Variants in GLIS1 observed in about 807,000 individuals in gnomAD.
GLIS1 encodes GLIS family zinc finger 1.
Under a neutral mutation model 63.8 loss-of-function variants are expected in GLIS1, and 24 were observed. That is an observed-to-expected ratio of 0.38 (90% CI 0.27 to 0.53). The LOEUF (loss-of-function observed/expected upper bound fraction) is 0.53, where lower values mean the gene tolerates loss of function less well. Ranked by LOEUF, GLIS1 falls within the 20% of genes least tolerant of loss-of-function variation. The pLI is 0.85. For synonymous variants in GLIS1, 450 were observed against 482.5 expected (o/e 0.93, Z 0.88); for missense variants, 1,036 against 1,074.1 (o/e 0.96, Z 0.50).
intron 2 of GLIS1, among the ~76,000 whole-genome samples, chr1:53,690,013 C>A (rs1446297088): frequency 6.6e-6 from 1 of 152,216 alleles, no homozygotes; most frequent in East Asian, 1.9e-4. Flanking sequence ...CTCTCTCACA[C>A]CTTGCACTGG....
At position 53,573,036 on chromosome 1, in the gene GLIS1, A is replaced by C. The variant is rs79461524; in HGVS notation, c.1320+21072T>G. Among the ~76,000 whole-genome samples, 1,164 of 152,248 alleles carry C rather than the reference A, an allele frequency of 7.6e-3. 22 individuals carry two copies. The highest frequency in any genetic ancestry group is 0.027 in the African/African-American group (1,130 of 41,554). On this transcript the variant is annotated intron_variant, in intron 4 of 10. Coordinates refer to ENST00000628545, the MANE Select transcript of GLIS1 (RefSeq NM_001367484.1). Reference sequence around the variant, plus strand: ...CTGTGTTTTGTATTTTTCTTTGGAGAACCAGTCTTACAGGTTACCACCAGC... The same window carrying C: ...CTGTGTTTTGTATTTTTCTTTGGAGCACCAGTCTTACAGGTTACCACCAGC...
chr1:53,618,908 C>T (rs1396314465), intron 2 of GLIS1, among the ~76,000 whole-genome samples: 6 of 152,372 alleles, frequency 3.9e-5, no homozygotes, highest in South Asian at 2.1e-4. Flanking sequence ...CCTACCCTGG[C>T]TCTTAACTCA....
Position 53,524,789 on chromosome 1 carries a change from C to A in GLIS1, c.1581G>T (p.Gln527His). ...HVKAHSAKEQ[Q>H]VRKKLHAGPD... is the part of the protein sequence containing the mutation. ...AGGGCTGGCTTACCTTCTTACGCACCTGCTGCTCTTTGGCTGAATGGGCCT... is the reference window on the plus strand; with the variant it reads ...AGGGCTGGCTTACCTTCTTACGCACATGCTGCTCTTTGGCTGAATGGGCCT... The change falls in exon 6 of 11, where the codon CAG becomes CAT. Residue 527 changes from glutamine to histidine, a missense_variant. Transcript: ENST00000628545. The A allele has an allele frequency of 6.2e-7, 1 of 1,613,186 alleles. No individual in the cohort carries two copies. The highest frequency in any genetic ancestry group is 8.5e-7 in the Non-Finnish European group (1 of 1,179,652).
intron 4 of GLIS1, among the ~76,000 whole-genome samples, chr1:53,542,917 A>G (rs564345105): frequency 1.3e-5 from 2 of 152,336 alleles, no homozygotes; most frequent in South Asian, 4.1e-4. Flanking sequence ...GGCAGCCTTT[A>G]GATGGACAGG....
At chr1:53,516,762 G>A (rs1479899356) in intron 7 of GLIS1, among the ~76,000 whole-genome samples, 1 of 151,464 alleles carries the variant, frequency 6.6e-6, no homozygotes. Flanking sequence ...GCAGTGAGCC[G>A]AGATGGTGCC....
chr1:53,738,582 A>C (rs899575359), intron 1 of GLIS1, among the ~76,000 whole-genome samples: 1 of 152,164 alleles, frequency 6.6e-6, no homozygotes, highest in African/African-American at 2.4e-5. Context: ...AGCTGCGCGC[A>C]GAAGCTGGGG....
At position 53,660,072 on chromosome 1, in the gene GLIS1, T is replaced by C. The variant is rs545428457; in HGVS notation, c.260-59794A>G. Among the ~76,000 whole-genome samples the C allele has an allele frequency of 1.1e-4, 17 of 152,346 alleles. No individual in the cohort carries two copies. The South Asian group carries it at 2.9e-3, about 26-fold the overall frequency. ...AGGTCCCGGCCAGCTCAACAGTTCTTTGAGTCTACTCTGGGCTTTCCCAGA... is the reference window on the plus strand; with the variant it reads ...AGGTCCCGGCCAGCTCAACAGTTCTCTGAGTCTACTCTGGGCTTTCCCAGA... On this transcript the variant is annotated intron_variant, in intron 2 of 10. Transcript: ENST00000628545.
chr1:53,562,861 T>C (rs763800560), intron 4 of GLIS1, among the ~76,000 whole-genome samples: 7 of 152,202 alleles, frequency 4.6e-5, no homozygotes, highest in Non-Finnish European at 1.0e-4. Context: ...TAGTTATTCT[T>C]CAAATAACAC....
rs568524858 is a variant in GLIS1 at position 53,599,667 on chromosome 1, A to G, written c.437+434T>C. ...ATGAGACAGGGTGGCCGGCACTGGA[A>G]GTGTGCAAGCACTGAGTGGACAGCT... On this transcript the variant is annotated intron_variant, in intron 3 of 10. Transcript: ENST00000628545. 2.0e-5 allele frequency among the ~76,000 whole-genome samples: 3 copies of G among 152,356 alleles called. No individual in the cohort carries two copies. The East Asian group carries it at 5.8e-4, about 29-fold the overall frequency.
At chr1:53,669,489 G>GCTGGTAAGT (rs1461231943) in intron 2 of GLIS1, among the ~76,000 whole-genome samples, 1 of 152,196 alleles carries the variant, frequency 6.6e-6, no homozygotes, top group Non-Finnish European at 1.5e-5. Flanking sequence ...ACCAGGTAAG[G>GCTGGTAAGT]CTAGTGAAGA....
At chr1:53,711,977 G>A (rs1248643676) in intron 2 of GLIS1, among the ~76,000 whole-genome samples, 2 of 152,218 alleles carry the variant, frequency 1.3e-5, no homozygotes, top group African/African-American at 4.8e-5. Flanking sequence ...GTTCTGAGAA[G>A]GAGCAGGCAA....
chr1:53,657,707 G>C (rs928241914), intron 2 of GLIS1, among the ~76,000 whole-genome samples: 8 of 152,154 alleles, frequency 5.3e-5, no homozygotes, highest in African/African-American at 1.9e-4. Context: ...TCCAACCAGA[G>C]AGCCATCAGC....
chr1:53,530,281 C>A (rs1228047380), intron 4 of GLIS1, among the ~76,000 whole-genome samples: 3 of 152,260 alleles, frequency 2.0e-5, no homozygotes, highest in African/African-American at 7.2e-5. Context: ...ACAGCACAGC[C>A]CCGAATCAGG....
intron 2 of GLIS1, among the ~76,000 whole-genome samples, chr1:53,638,235 C>T (rs543976295): frequency 1.3e-5 from 2 of 152,308 alleles, no homozygotes; most frequent in South Asian, 2.1e-4. Context: ...AGGGAGGGTT[C>T]CTTGTTTCTC....
chr1:53,611,425 C>A (rs933761381), intron 2 of GLIS1, among the ~76,000 whole-genome samples: 4 of 152,190 alleles, frequency 2.6e-5, no homozygotes, highest in Admixed American at 6.5e-5. Context: ...TCTGATAACA[C>A]CAACATCTGG....
At chr1:53,634,569 G>C (rs1478726787) in intron 2 of GLIS1, among the ~76,000 whole-genome samples, 8 of 152,266 alleles carry the variant, frequency 5.3e-5, no homozygotes, top group African/African-American at 1.7e-4. Flanking sequence ...GGAGCGAGGA[G>C]GGCCTCACTA....
intron 2 of GLIS1, among the ~76,000 whole-genome samples, chr1:53,636,363 T>C (rs1437987509): frequency 6.6e-6 from 1 of 151,998 alleles, no homozygotes; most frequent in Non-Finnish European, 1.5e-5. Context: ...ATCTCAACAA[T>C]TGCAGAAAAA....
intron 4 of GLIS1, among the ~76,000 whole-genome samples, chr1:53,545,916 C>T (rs550725416): frequency 7.2e-4 from 109 of 152,342 alleles, no homozygotes; most frequent in African/African-American, 1.0e-3. Context: ...TCCTGTCCTA[C>T]GTGACATGAG....
At chr1:53,547,550 G>A (rs940112883) in intron 4 of GLIS1, among the ~76,000 whole-genome samples, 1 of 152,236 alleles carries the variant, frequency 6.6e-6, no homozygotes, top group African/African-American at 2.4e-5. Flanking sequence ...CCCTGACCCA[G>A]GCAGGGCTCC....
Sources: allele counts gnomAD v4.1 joint callset (sites outside exome capture counted in the v4.1 genomes callset), GRCh38; gene constraint gnomAD v4.1.1; transcripts MANE v1.5; gene names NCBI Gene and HGNC (gene_info 2026-07-23, HGNC 2026-07-21).